Variants in GPR158 observed in about 807,000 individuals in gnomAD.
GPR158 encodes the protein metabotropic glycine receptor.
Under a neutral mutation model 78.2 loss-of-function variants are expected in GPR158, and 30 were observed. The ratio of observed to expected loss-of-function variants is 0.38; its 90% CI spans 0.29 to 0.52. The LOEUF is 0.52. GPR158 is among the 20% of genes least tolerant of loss of function. The pLI is 0.83. For synonymous variants in GPR158, 581 were observed against 591.1 expected (o/e 0.98, Z 0.25); for missense variants, 1,463 against 1,523.5 (o/e 0.96, Z 0.66).
At chr10:25,216,253 A>G (rs1013639511) in intron 1 of GPR158, among the ~76,000 whole-genome samples, 5 of 152,338 alleles carry the variant, frequency 3.3e-5, no homozygotes, top group African/African-American at 1.2e-4. Flanking sequence ...TCATCAATCA[A>G]TTTCAGCACA....
At chr10:25,551,797 G>A (rs1305061756) in intron 6 of GPR158, among the ~76,000 whole-genome samples, 1 of 152,134 alleles carries the variant, frequency 6.6e-6, no homozygotes, top group African/African-American at 2.4e-5. Context: ...GTGCCAAAGA[G>A]CATAGGAGAT....
intron 2 of GPR158, among the ~76,000 whole-genome samples, chr10:25,233,945 A>G (rs1302551783): frequency 6.6e-6 from 1 of 152,206 alleles, no homozygotes; most frequent in Non-Finnish European, 1.5e-5. Context: ...AGTTTTTTTC[A>G]TAAATATGTT....
intron 4 of GPR158, among the ~76,000 whole-genome samples, chr10:25,429,001 A>C (rs1431210441): frequency 2.0e-5 from 3 of 152,044 alleles, no homozygotes; most frequent in African/African-American, 4.8e-5. Context: ...GGGTATAAGC[A>C]GAAAAATCAG....
At chr10:25,238,058 T>TC in intron 2 of GPR158, among the ~76,000 whole-genome samples, 1 of 152,016 alleles carries the variant, frequency 6.6e-6, no homozygotes, top group African/African-American at 2.4e-5. Context: ...TTTCTTTTCT[T>TC]TTCTCTCCTT....
chr10:25,581,837 T>TA (rs1374387280), intron 7 of GPR158, among the ~76,000 whole-genome samples: 8 of 152,218 alleles, frequency 5.3e-5, no homozygotes, highest in African/African-American at 1.7e-4. Context: ...AATGACAGTG[T>TA]ATTAGTTCAT....
At chr10:25,361,020 C>T (rs1855631387) in intron 2 of GPR158, among the ~76,000 whole-genome samples, 1 of 151,756 alleles carries the variant, frequency 6.6e-6, no homozygotes, top group South Asian at 2.1e-4. Flanking sequence ...TGTTGTGAAA[C>T]AGATCTTCAG....
chr10:25,323,488 G>C (rs975444531), intron 2 of GPR158, among the ~76,000 whole-genome samples: 5 of 151,428 alleles, frequency 3.3e-5, no homozygotes, highest in Non-Finnish European at 5.9e-5. Context: ...TTGAAGATCT[G>C]TTCTTTAGTG....
chr10:25,458,697 GAAC>G (rs754873518), intron 4 of GPR158, among the ~76,000 whole-genome samples: 8 of 152,174 alleles, frequency 5.3e-5, no homozygotes, highest in Non-Finnish European at 8.8e-5. Flanking sequence ...CTCAAAGGTT[GAAC>G]AACTTGCCCA....
chr10:25,222,282 C>T (rs1853309591), intron 2 of GPR158, among the ~76,000 whole-genome samples: 1 of 151,948 alleles, frequency 6.6e-6, no homozygotes, highest in Admixed American at 6.6e-5. Context: ...TCCACCCCGC[C>T]ACCACACTCT....
At chr10:25,213,008 A>G (rs1347448414) in intron 1 of GPR158, among the ~76,000 whole-genome samples, 1 of 152,134 alleles carries the variant, frequency 6.6e-6, no homozygotes, top group African/African-American at 2.4e-5. Flanking sequence ...GAGAAATGCC[A>G]GTGCTTTTTG....
chr10:25,597,932 G>A lies in GPR158; in HGVS notation c.2306G>A (p.Cys769Tyr), dbSNP rs1428403966. Residue 769 changes from cysteine (C) to tyrosine (Y), a missense_variant, in exon 11 of 11, where the codon TGC (cysteine) becomes TAC (tyrosine). By Grantham distance (194) the Cys-to-Tyr change is radical. Transcript: ENST00000376351. ...TEIPETVSRQ[C>Y]SKEDKEGADH... The stretch of plus-strand genomic sequence containing the variant: ...ATCCCAGAGACAGTCAGCCGGCAGT[G>A]CTCTAAAGAGGACAAGGAGGGCGCC... 1.2e-6 allele frequency: 2 copies of A among 1,613,568 alleles called. No homozygotes were observed. Among genetic ancestry groups the A allele is most frequent in the African/African-American group, 2.7e-5 (2 of 74,876 alleles).
intron 2 of GPR158, among the ~76,000 whole-genome samples, chr10:25,237,609 A>T (rs933696295): frequency 2.0e-5 from 3 of 152,198 alleles, no homozygotes; most frequent in Non-Finnish European, 4.4e-5. Context: ...CTTCAAATTG[A>T]CTAGTGATTA....
rs899907386 is a variant in GPR158, at chr10:25,602,039, T to A, written c.*2765T>A. 6.6e-6 allele frequency: 1 copy of A among 152,598 alleles called. No homozygotes were observed. The highest frequency in any genetic ancestry group is 2.4e-5 in the African/African-American group (1 of 41,460). The allele number at this position is 152,598 out of a possible 1,614,324, so 9.5% of individuals were successfully genotyped here. A position where few individuals can be genotyped will look rare whatever the true frequency, so the allele number is the denominator to read the frequency against. On this transcript the variant is annotated 3_prime_UTR_variant, in exon 11 of 11. Coordinates refer to ENST00000376351, the MANE Select transcript of GPR158 (RefSeq NM_020752.3). ...TGAAAAAACACTGCCTTTTGACTTC[T>A]AGCATTTAGCAACCGAGAGTCGTAG...
intron 2 of GPR158, among the ~76,000 whole-genome samples, chr10:25,364,209 A>G (rs1250048471): frequency 6.6e-6 from 1 of 151,910 alleles, no homozygotes; most frequent in African/African-American, 2.4e-5. Context: ...ATTAAAGCAT[A>G]TCTTACTCCA....
chr10:25,234,880 G>C (rs1853500301), intron 2 of GPR158, among the ~76,000 whole-genome samples: 1 of 152,060 alleles, frequency 6.6e-6, no homozygotes, highest in Non-Finnish European at 1.5e-5. Flanking sequence ...TCATTTTTTT[G>C]TATATAGCAT....
rs61855495 is a variant in GPR158 at position 25,291,361 on chromosome 10, G to A, written c.1008+70204G>A. On this transcript the variant is annotated intron_variant, in intron 2 of 10. Coordinates refer to ENST00000376351, the MANE Select transcript of GPR158 (RefSeq NM_020752.3). ...AAATGGGATCAATTTCTGATTTATC[G>A]TGTCTAGTAGATTAAAACATATCAG... is the stretch of plus-strand genomic sequence containing the variant. Among the ~76,000 whole-genome samples, 301 of 152,064 alleles carry A rather than the reference G, an allele frequency of 2.0e-3. 1 individual carries two copies. Among genetic ancestry groups the A allele is most frequent in the Non-Finnish European group, 3.3e-3 (226 of 67,856 alleles).
intron 5 of GPR158, among the ~76,000 whole-genome samples, chr10:25,485,213 C>A (rs1024028376): frequency 8.6e-5 from 13 of 150,998 alleles, no homozygotes; most frequent in South Asian, 4.2e-4. Flanking sequence ...TAAAAGTACA[C>A]TGAAAATGGT....
At chr10:25,192,549 C>G (rs150781252) in intron 1 of GPR158, among the ~76,000 whole-genome samples, 1 of 152,132 alleles carries the variant, frequency 6.6e-6, no homozygotes, top group East Asian at 1.9e-4. Context: ...TTATGTAACT[C>G]TGTGGCTCAA....
At chr10:25,411,818 C>G (rs944253557) in intron 3 of GPR158, among the ~76,000 whole-genome samples, 6 of 151,206 alleles carry the variant, frequency 4.0e-5, no homozygotes, top group African/African-American at 1.5e-4. Context: ...ACCTGTAGTC[C>G]AGCTACTCGG....
Sources: allele counts gnomAD v4.1 joint callset (sites outside exome capture counted in the v4.1 genomes callset), GRCh38; gene constraint gnomAD v4.1.1; transcripts MANE v1.5; gene names NCBI Gene and HGNC (gene_info 2026-07-23, HGNC 2026-07-21).